Variants in DTNB observed in about 807,000 individuals in gnomAD.
The protein encoded by DTNB is dystrobrevin beta.
DTNB carries 63 observed loss-of-function variants against 90.7 expected under a neutral mutation model. The ratio of observed to expected loss-of-function variants is 0.69; its 90% CI spans 0.57 to 0.86. The LOEUF is 0.86. Among genes scored for constraint, DTNB ranks in the 40% least tolerant of loss-of-function variants. The pLI is 0.00. For missense variants in DTNB, 744 were observed against 807.1 expected, an observed-to-expected ratio of 0.92 and a Z score of 0.95; for synonymous variants, 277 against 286.7, an observed-to-expected ratio of 0.97 and a Z score of 0.34.
intron 20 of DTNB, 71 bp downstream of exon 20, chr2:25,379,219 A>G: frequency 7.8e-7 from 1 of 1,278,596 alleles, no homozygotes; most frequent in East Asian, 3.1e-5. Context: ...GACTGCAGGA[A>G]GGGAGGGGAA....
intron 16 of DTNB, among the ~76,000 whole-genome samples, chr2:25,411,948 G>A (rs1446278887): frequency 1.3e-5 from 2 of 152,176 alleles, no homozygotes. Context: ...AGAAGCATGT[G>A]AATCTGAATC....
intron 6 of DTNB, among the ~76,000 whole-genome samples, chr2:25,584,490 T>C (rs1432534866): frequency 6.6e-6 from 1 of 152,216 alleles, no homozygotes; most frequent in African/African-American, 2.4e-5. Flanking sequence ...ATAAAAATGT[T>C]ATTTATGTTA....
At chr2:25,401,653 C>T (rs1284051983) in intron 16 of DTNB, among the ~76,000 whole-genome samples, 1 of 152,226 alleles carries the variant, frequency 6.6e-6, no homozygotes, top group Admixed American at 6.5e-5. Context: ...TTTTAATCCT[C>T]CTGGCACACA....
chr2:25,670,809 C>T (rs1311636121), intron 1 of DTNB, among the ~76,000 whole-genome samples: 1 of 152,218 alleles, frequency 6.6e-6, no homozygotes, highest in Admixed American at 6.5e-5. Context: ...ACAAAGTATA[C>T]AGCAGTCTCC....
In DTNB at chr2:25,387,624, C is replaced by T. The variant is rs2039878743; in HGVS notation, c.1736-246G>A. On this transcript the variant is annotated intron_variant, in intron 17 of 20. Coordinates refer to ENST00000406818, the MANE Select transcript of DTNB (RefSeq NM_021907.5). This position sits in a 1 kb window ranked among gnomAD's most constrained non-coding sequence, Gnocchi z 4.5. Reference sequence around the variant, plus strand: ...TCCTGTCAACTCCACGCTTTGCCGCCACCACACAATCCAGAGCTGGGTTCC... The same window carrying T: ...TCCTGTCAACTCCACGCTTTGCCGCTACCACACAATCCAGAGCTGGGTTCC... 6.6e-6 allele frequency among the ~76,000 whole-genome samples: 1 copy of T among 152,162 alleles called. No homozygotes were observed. Among genetic ancestry groups the T allele is most frequent in the Admixed American group, 6.5e-5 (1 of 15,286 alleles).
At chr2:25,547,036 A>T in intron 8 of DTNB, among the ~76,000 whole-genome samples, 1 of 152,016 alleles carries the variant, frequency 6.6e-6, no homozygotes, top group Non-Finnish European at 1.5e-5. Context: ...TGTTGTAGAG[A>T]CAGGGTCTTG....
chr2:25,511,452 C>G (rs1045565920), intron 9 of DTNB, among the ~76,000 whole-genome samples: 3 of 152,100 alleles, frequency 2.0e-5, no homozygotes, highest in African/African-American at 7.2e-5. Flanking sequence ...CTATATCAGC[C>G]TCCCAAGTAG....
chr2:25,415,645 G>C (rs2047726036), intron 16 of DTNB, among the ~76,000 whole-genome samples: 1 of 152,156 alleles, frequency 6.6e-6, no homozygotes, highest in African/African-American at 2.4e-5. Flanking sequence ...GGGGAGGGGA[G>C]AGGGGCTAAA....
intron 9 of DTNB, among the ~76,000 whole-genome samples, chr2:25,512,113 C>G (rs1327054512): frequency 6.6e-6 from 1 of 152,144 alleles, no homozygotes; most frequent in Non-Finnish European, 1.5e-5. Context: ...AAGAAAAGGG[C>G]CACTTTACAC....
intron 2 of DTNB, among the ~76,000 whole-genome samples, chr2:25,648,217 T>A (rs1472570799): frequency 6.6e-6 from 1 of 152,226 alleles, no homozygotes; most frequent in African/African-American, 2.4e-5. Context: ...GTAAGAATCA[T>A]AAACTACCCA....
At chr2:25,560,447 C>CA (rs1435665158) in intron 8 of DTNB, among the ~76,000 whole-genome samples, 3 of 152,162 alleles carry the variant, frequency 2.0e-5, no homozygotes, top group Non-Finnish European at 4.4e-5. Flanking sequence ...CTGAATACAA[C>CA]AAAAAGGCTG....
intron 1 of DTNB, among the ~76,000 whole-genome samples, chr2:25,672,343 T>A (rs1415790918): frequency 6.6e-6 from 1 of 151,768 alleles, no homozygotes; most frequent in Non-Finnish European, 1.5e-5. Context: ...TGCTTGTCCA[T>A]TCATTCATGC....
intron 5 of DTNB, among the ~76,000 whole-genome samples, chr2:25,606,785 A>G (rs1373134629): frequency 6.6e-6 from 1 of 152,190 alleles, no homozygotes; most frequent in Non-Finnish European, 1.5e-5. Context: ...CAGCTTCTAA[A>G]TAACTGTGGC....
chr2:25,448,855 CAA>C (rs57986514), intron 12 of DTNB, among the ~76,000 whole-genome samples: 26,951 of 78,914 alleles, frequency 0.34, 3,749 homozygotes, highest in East Asian at 0.65. Flanking sequence ...GATTCCATCT[CAA>C]AAAAAAAAAA....
At chr2:25,633,580 C>G (rs1235676573) in intron 3 of DTNB, among the ~76,000 whole-genome samples, 1 of 151,952 alleles carries the variant, frequency 6.6e-6, no homozygotes, top group Non-Finnish European at 1.5e-5. Context: ...TCTGCCCGGC[C>G]GCCACCCCGT....
chr2:25,587,414 G>C (rs1277729551), intron 6 of DTNB, among the ~76,000 whole-genome samples: 5 of 152,160 alleles, frequency 3.3e-5, no homozygotes, highest in African/African-American at 4.8e-5. Flanking sequence ...TGCTTTACTT[G>C]AATACTAGTT....
chr2:25,474,427 T>C (rs2063383608), intron 10 of DTNB, among the ~76,000 whole-genome samples: 1 of 152,224 alleles, frequency 6.6e-6, no homozygotes, highest in Non-Finnish European at 1.5e-5. Flanking sequence ...TCTATTTTTC[T>C]CATTTCACAG....
chr2:25,606,565 A>G (rs2067151962), intron 5 of DTNB, among the ~76,000 whole-genome samples: 1 of 152,220 alleles, frequency 6.6e-6, no homozygotes, highest in Admixed American at 6.5e-5. Flanking sequence ...CACCTAGCAC[A>G]ATTCTTGGCA....
intron 5 of DTNB, among the ~76,000 whole-genome samples, chr2:25,598,300 T>C (rs982062857): frequency 2.0e-5 from 3 of 152,084 alleles, no homozygotes; most frequent in Non-Finnish European, 4.4e-5. Context: ...GAAATCACTC[T>C]AGAATGGTAG....
Sources: allele counts gnomAD v4.1 joint callset (sites outside exome capture counted in the v4.1 genomes callset), GRCh38; gene constraint gnomAD v4.1.1; non-coding constraint Gnocchi (gnomAD v3.1); transcripts MANE v1.5; gene names NCBI Gene and HGNC (gene_info 2026-07-23, HGNC 2026-07-21).